PIAS4: variants seen among roughly 807,000 people sequenced by gnomAD.
The protein encoded by PIAS4 is E3 SUMO-protein ligase PIAS4.
In PIAS4, 7 loss-of-function variants were observed where a neutral mutation model predicts 58.0. That is an observed-to-expected ratio of 0.12 (90% CI 0.07 to 0.23). The LOEUF is 0.23. PIAS4 is among the 10% of genes least tolerant of loss of function. PIAS4 has a pLI of 1.00. For missense variants in PIAS4, 550 were observed against 709.5 expected, an observed-to-expected ratio of 0.78 and a Z score of 2.55; for synonymous variants, 364 against 312.4, an observed-to-expected ratio of 1.17 and a Z score of -1.74.
intron 2 of PIAS4, chr19:4,017,803 A>G (rs1232794411): frequency 6.6e-6 from 1 of 150,792 alleles, no homozygotes; most frequent in African/African-American, 2.4e-5. Flanking sequence ...CCTCCCAAGT[A>G]ACTGAGATTA....
Position 4,013,273 on chromosome 19 carries a change from C to T in PIAS4, c.378C>T (p.Thr126=), listed in dbSNP as rs1406073568. The T allele has an allele frequency of 1.9e-6, 3 of 1,613,344 alleles. No homozygotes were observed. Among genetic ancestry groups the T allele is most frequent in the Admixed American group, 3.3e-5 (2 of 60,014 alleles). ...GACTGGGACGGTTGCCCGCCAAGAC[C>T]CTCAAGCCAGAAGTCCGCCTGGTGA... ...LNGLGRLPAK[T]LKPEVRLVKL... Residue 126 remains threonine, a synonymous_variant, in exon 2 of 11, where the codon ACC becomes ACT. Transcript: ENST00000262971. The surrounding 1 kb of genome is among the most constrained non-coding windows in gnomAD (Gnocchi z 5.1).
In PIAS4 at chr19:4,013,375, C is replaced by A; in HGVS notation, c.454+26C>A. On this transcript the variant is annotated intron_variant, in intron 2 of 10. Coordinates refer to ENST00000262971, the MANE Select transcript of PIAS4 (RefSeq NM_015897.4). The surrounding 1 kb of genome is among the most constrained non-coding windows in gnomAD (Gnocchi z 5.1). The stretch of plus-strand genomic sequence containing the variant: ...GTGAGTGGTCACCCTGGGGAGGCTG[C>A]GACTGGAGGCTTCACCTAGGCCCCG... The A allele has an allele frequency of 6.3e-7, 1 of 1,584,642 alleles. No individual in the cohort carries two copies. Among genetic ancestry groups the A allele is most frequent in the Non-Finnish European group, 8.6e-7 (1 of 1,159,894 alleles).
intron 7 of PIAS4, among the ~76,000 whole-genome samples, chr19:4,029,811 ATTTTTTT>A (rs1172132330): frequency 3.8e-4 from 21 of 55,002 alleles, no homozygotes; most frequent in African/African-American, 1.0e-3. Flanking sequence ...CACCCAACTA[ATTTTTTT>A]TTTTTTTTTT....
In PIAS4 at chr19:4,038,214, C is replaced by T. The variant is rs1483138504; in HGVS notation, c.*339C>T. ...GAGGGACCAGGACGCCGCCCCGCGC[C>T]CTCCCCTCCGGATGCCCCGCCGCCC... On this transcript the variant is annotated 3_prime_UTR_variant, in exon 11 of 11. Transcript: ENST00000262971. The surrounding 1 kb of genome is among the most constrained non-coding windows in gnomAD (Gnocchi z 4.1). 3 of 270,482 alleles carry T rather than the reference C, an allele frequency of 1.1e-5. No individual in the cohort carries two copies. In the South Asian group the frequency reaches 1.2e-4, roughly 11 times the overall value. 16.8% of individuals were successfully genotyped at this position (270,482 alleles called of 1,614,324 possible).
rs563388633 is a variant in PIAS4, at chr19:4,038,129, C to G, written c.*254C>G. 4.4e-6 allele frequency: 2 copies of G among 456,538 alleles called. No homozygotes were observed. The highest frequency in any genetic ancestry group is 4.2e-5 in the African/African-American group (2 of 48,000). The allele number at this position is 456,538 out of a possible 1,614,324, so 28.3% of individuals were successfully genotyped here. A position where few individuals can be genotyped will look rare whatever the true frequency, so the allele number is the denominator to read the frequency against. ...AAAGTCAAACTCTTAAAAACAAGGC[C>G]GGCCACCCACACAGCCGCCTCCCCG... On this transcript the variant is annotated 3_prime_UTR_variant, in exon 11 of 11. Transcript: ENST00000262971. The surrounding 1 kb of genome is among the most constrained non-coding windows in gnomAD (Gnocchi z 4.1).
chr19:4,019,816 G>A (rs2144916637), intron 2 of PIAS4, among the ~76,000 whole-genome samples: 1 of 152,286 alleles, frequency 6.6e-6, no homozygotes, highest in Admixed American at 6.5e-5. Flanking sequence ...CCACAGACCC[G>A]GCACCGGTCC....
chr19:4,036,138 C>T (rs1599234686), intron 9 of PIAS4, among the ~76,000 whole-genome samples: 1 of 129,392 alleles, frequency 7.7e-6, no homozygotes, highest in Non-Finnish European at 1.8e-5. Flanking sequence ...CACCGTCACA[C>T]ATCCGTACAG....
Position 4,013,016 on chromosome 19 carries a change from A to C in PIAS4, c.121A>C (p.Arg41=), listed in dbSNP as rs982666275. ...KSGLKHELVT[R]ALQLVQFDCS... Reference sequence around the variant, plus strand: ...TGGACTGAAGCACGAGCTCGTCACCAGGGCCCTCCAGCTGGTGCAGTTTGA... The same window carrying C: ...TGGACTGAAGCACGAGCTCGTCACCCGGGCCCTCCAGCTGGTGCAGTTTGA... Residue 41 remains arginine (R), a synonymous_variant, in exon 2 of 11, where the codon AGG becomes CGG. Coordinates refer to ENST00000262971, the MANE Select transcript of PIAS4 (RefSeq NM_015897.4). This position sits in a 1 kb window ranked among gnomAD's most constrained non-coding sequence, Gnocchi z 5.1. 1 of 1,613,604 alleles carries C rather than the reference A, an allele frequency of 6.2e-7. No individual in the cohort carries two copies. Among genetic ancestry groups the C allele is most frequent in the African/African-American group, 1.3e-5 (1 of 74,976 alleles).
intron 3 of PIAS4, among the ~76,000 whole-genome samples, chr19:4,024,855 T>A (rs1317283318): frequency 6.6e-6 from 1 of 152,160 alleles, no homozygotes; most frequent in Non-Finnish European, 1.5e-5. Flanking sequence ...AACCTCCACC[T>A]GCTGGATTCA....
At chr19:4,011,772 G>C (rs1314330095) in intron 1 of PIAS4, among the ~76,000 whole-genome samples, 1,619 of 26,944 alleles carry the variant, frequency 0.06, 498 homozygotes, top group South Asian at 0.14. Flanking sequence ...GTGTGGAGGT[G>C]TGTGGGGTGT....
chr19:4,021,708 A>G (rs911934063), intron 2 of PIAS4, among the ~76,000 whole-genome samples: 5 of 148,888 alleles, frequency 3.4e-5, no homozygotes, highest in African/African-American at 1.2e-4. Context: ...AATGTTTTAT[A>G]GAATTCACCG....
At chr19:4,028,235 C>T (rs746214299) in intron 4 of PIAS4, 48 bp downstream of exon 4, 63 of 1,457,586 alleles carry the variant, frequency 4.3e-5, no homozygotes, top group Middle Eastern at 2.3e-4. Flanking sequence ...CCCAGCCACC[C>T]GCCCCTCCCC....
At chr19:4,008,605 C>T (rs907099528) in intron 1 of PIAS4, among the ~76,000 whole-genome samples, 4 of 152,058 alleles carry the variant, frequency 2.6e-5, no homozygotes, top group South Asian at 2.1e-4. Flanking sequence ...ATCTTAAATC[C>T]TGGACTGTGC....
At chr19:4,015,477 T>C (rs2040043304) in intron 2 of PIAS4, among the ~76,000 whole-genome samples, 1 of 152,164 alleles carries the variant, frequency 6.6e-6, no homozygotes, top group Non-Finnish European at 1.5e-5. Flanking sequence ...TGCCTCTCTC[T>C]CCCACTGGCT....
At chr19:4,026,343 A>C (rs1263474788) in intron 3 of PIAS4, among the ~76,000 whole-genome samples, 1 of 149,166 alleles carries the variant, frequency 6.7e-6, no homozygotes, top group Non-Finnish European at 1.5e-5. Flanking sequence ...ATGTTGGCCA[A>C]GATGATCTCA....
rs374336344 is a variant in PIAS4 at position 4,036,676 on chromosome 19, C to G, written c.1143-698C>G. ...TACACACACATCTATACAGTCCACACCGTCACACATCCATATAGTCCACAC... is the reference window on the plus strand; with the variant it reads ...TACACACACATCTATACAGTCCACAGCGTCACACATCCATATAGTCCACAC... On this transcript the variant is annotated intron_variant, in intron 9 of 10. Transcript: ENST00000262971. Among the ~76,000 whole-genome samples, 42 of 150,918 alleles carry G rather than the reference C, an allele frequency of 2.8e-4. 7 individuals are homozygous for G. Among genetic ancestry groups the G allele is most frequent in the African/African-American group, 9.6e-4 (39 of 40,432 alleles).
Position 4,037,665 on chromosome 19 carries a change from C to G in PIAS4, c.1323C>G (p.Ser441Arg), listed in dbSNP as rs904636078. The G allele has an allele frequency of 6.2e-7, 1 of 1,611,870 alleles. No individual in the cohort carries two copies. Among genetic ancestry groups the G allele is most frequent in the African/African-American group, 1.3e-5 (1 of 74,926 alleles). Reference sequence around the variant, plus strand: ...TGCCCGCCCCCAGCGTCAACGGGAGCGGTGCCCTGGGCAGCACGGGTGGCG... The same window carrying G: ...TGCCCGCCCCCAGCGTCAACGGGAGGGGTGCCCTGGGCAGCACGGGTGGCG... ...GLLPAPSVNGSGALGSTGGGG... is the reference protein window; with the variant it reads ...GLLPAPSVNGRGALGSTGGGG... The change falls in exon 11 of 11, where the codon AGC becomes AGG. Residue 441 changes from serine to arginine, a missense_variant. This residue lies in a region of PIAS4 where 188 missense variants were observed against 192.0 expected (regional missense o/e 0.98). Coordinates refer to ENST00000262971, the MANE Select transcript of PIAS4 (RefSeq NM_015897.4). This position sits in a 1 kb window ranked among gnomAD's most constrained non-coding sequence, Gnocchi z 5.8.
At chr19:4,026,098 G>T (rs553877207) in intron 3 of PIAS4, among the ~76,000 whole-genome samples, 9 of 144,404 alleles carry the variant, frequency 6.2e-5, no homozygotes, top group Middle Eastern at 7.2e-3. Flanking sequence ...AAAAAAGTTT[G>T]GTTTTCTCCT....
At chr19:4,010,314 C>G (rs2144902477) in intron 1 of PIAS4, among the ~76,000 whole-genome samples, 1 of 152,340 alleles carries the variant, frequency 6.6e-6, no homozygotes, top group South Asian at 2.1e-4. Context: ...TGCGGCTCCA[C>G]TGTCCAGCCT....
Sources: gnomAD v4.1 joint callset for allele counts (sites outside exome capture counted in the v4.1 genomes callset) on GRCh38, gnomAD v4.1.1 for gene constraint, gnomAD v4.1.1 regional missense constraint, Gnocchi (gnomAD v3.1) non-coding constraint, MANE v1.5 for transcripts, NCBI Gene and HGNC (gene_info 2026-07-23, HGNC 2026-07-21) for gene names.